The following PDXDC1 variants were observed in gnomAD, a reference collection of about 807,000 sequenced individuals.
PDXDC1 encodes the protein pyridoxal-dependent decarboxylase domain-containing protein 1.
Under a neutral mutation model 100.1 loss-of-function variants are expected in PDXDC1, and 42 were observed. The ratio of observed to expected loss-of-function variants is 0.42; its 90% confidence interval spans 0.33 to 0.54. PDXDC1 has a LOEUF of 0.54. Among genes scored for constraint, PDXDC1 ranks in the 20% least tolerant of loss-of-function variants. The probability of loss-of-function intolerance (pLI) is 0.10; values close to 1 mark genes in which losing one functional copy is unlikely to be tolerated. For missense variants in PDXDC1, 636 were observed against 979.2 expected, an observed-to-expected ratio of 0.65 and a Z score of 4.68; for synonymous variants, 260 against 371.7, an observed-to-expected ratio of 0.70 and a Z score of 3.46.
rs1223221915 is a variant in PDXDC1 at position 15,029,941 on chromosome 16, C to G, written c.1294-10C>G. 6.4e-7 allele frequency: 1 copy of G among 1,551,510 alleles called. No homozygotes were observed. The highest frequency in any genetic ancestry group is 8.7e-7 in the Non-Finnish European group (1 of 1,146,658). ...GTTACAGGAGGGTGTTCATTGTGTC[C>G]TCCTCACAGCTGGGAGAACAGCTGA... is the stretch of plus-strand genomic sequence containing the variant. On this transcript the variant is annotated splice_polypyrimidine_tract_variant and intron_variant, in intron 15 of 22. Coordinates refer to ENST00000396410, the MANE Select transcript of PDXDC1 (RefSeq NM_015027.4).
At chr16:14,984,448 A>AGT (rs1407283186) in intron 1 of PDXDC1, among the ~76,000 whole-genome samples, 10 of 130,710 alleles carry the variant, frequency 7.7e-5, no homozygotes, top group East Asian at 2.9e-4. Context: ...AGAGAGAGAG[A>AGT]GAGAGAGTGT....
intron 12 of PDXDC1, among the ~76,000 whole-genome samples, chr16:15,019,738 A>G (rs1184286638): frequency 6.6e-6 from 1 of 152,272 alleles, no homozygotes; most frequent in Non-Finnish European, 1.5e-5. Flanking sequence ...ATGACCTCCC[A>G]AAGGCCTCAA....
In PDXDC1 at chr16:15,016,865, C is replaced by T. The variant is rs189197286; in HGVS notation, c.813-255C>T. Among the ~76,000 whole-genome samples the T allele has an allele frequency of 3.0e-4, 45 of 152,404 alleles. No individual in the cohort carries two copies. In the East Asian group the frequency reaches 8.5e-3, roughly 29 times the overall value. On this transcript the variant is annotated intron_variant, in intron 9 of 22. Transcript: ENST00000396410. ...AAGAATGATAACTGGAAAATAAGAT[C>T]CATGAAAGAGAAGAATACTCCCATT...
intron 6 of PDXDC1, among the ~76,000 whole-genome samples, chr16:15,007,410 G>A (rs540911410): frequency 1.2e-4 from 19 of 152,304 alleles, no homozygotes; most frequent in Middle Eastern, 3.4e-3. Flanking sequence ...TCCTGGCCTC[G>A]TGATCTGCCC....
downstream of PDXDC1, chr16:15,041,644 A>G: frequency 6.2e-7 from 1 of 1,611,916 alleles, no homozygotes; most frequent in Non-Finnish European, 8.5e-7. Flanking sequence ...AATGTCACTA[A>G]GTGAATGTCA....
the PDXDC1 span, among the ~76,000 whole-genome samples, chr16:15,148,029 C>A: frequency 1.0e-3 from 152 of 151,590 alleles, no homozygotes; most frequent in Admixed American, 1.7e-3. Context: ...TTCCTAGTCA[C>A]CCAGGCTGGA....
intron 16 of PDXDC1, chr16:15,134,145 C>G (rs1414628498): frequency 8.0e-7 from 1 of 1,245,394 alleles, no homozygotes; most frequent in African/African-American, 1.4e-5. Context: ...CTGCAGGCCC[C>G]GTCCCCTCGG....
downstream of PDXDC1, among the ~76,000 whole-genome samples, chr16:15,143,081 A>T (rs1434355544): frequency 1.3e-5 from 2 of 152,102 alleles, no homozygotes; most frequent in African/African-American, 4.8e-5. Flanking sequence ...TGTTGGGAGA[A>T]GTACACCCCC....
Position 15,038,196 on chromosome 16 carries a change from C to T in PDXDC1, c.*1921C>T, listed in dbSNP as rs759210687. 1.1e-5 allele frequency: 18 copies of T among 1,611,890 alleles called. No homozygotes were observed. In the East Asian group the frequency reaches 1.6e-4, roughly 14 times the overall value. ...CAAAGTGGGGTGGCTCAGCCAGAGG[C>T]GAAGTGGAAAGATTCTGAAAACACA... On this transcript the variant is annotated 3_prime_UTR_variant, in exon 23 of 23. Transcript: ENST00000396410.
At chr16:15,080,283 C>T (rs1043995629) in intron 16 of PDXDC1, among the ~76,000 whole-genome samples, 11 of 152,210 alleles carry the variant, frequency 7.2e-5, no homozygotes, top group African/African-American at 2.6e-4. Flanking sequence ...TTCAATTATT[C>T]CCAGTAAATG....
intron 15 of PDXDC1, chr16:15,029,549 G>C (rs886079249): frequency 2.7e-6 from 1 of 368,616 alleles, no homozygotes; most frequent in African/African-American, 2.0e-5. Context: ...GAAAGGAACT[G>C]GTCATAAACG....
At chr16:15,100,618 CAA>C (rs1384287787) in intron 16 of PDXDC1, among the ~76,000 whole-genome samples, 1 of 152,152 alleles carries the variant, frequency 6.6e-6, no homozygotes, top group African/African-American at 2.4e-5. Flanking sequence ...CAGTAACATT[CAA>C]AAATATCTCC....
At chr16:15,014,640 G>T (rs1160102043) in intron 8 of PDXDC1, among the ~76,000 whole-genome samples, 3 of 152,274 alleles carry the variant, frequency 2.0e-5, no homozygotes, top group African/African-American at 7.2e-5. Context: ...CCTTTTCCTG[G>T]CATAGACCTT....
chr16:15,044,191 C>G, intron 16 of PDXDC1: 2 of 626,868 alleles, frequency 3.2e-6, no homozygotes, highest in South Asian at 1.9e-5. Context: ...TGTGAAATTC[C>G]AAGCTGGGCA....
At position 15,038,091 on chromosome 16, in the gene PDXDC1, G is replaced by A. The variant is rs745932508; in HGVS notation, c.*1816G>A. On this transcript the variant is annotated 3_prime_UTR_variant, in exon 23 of 23. Transcript: ENST00000396410. ...CATCTTCATTTTTTTTGTAGAGTAG[G>A]GCTTTATTTCCAGAAAACAGTGTGT... 1.2e-6 allele frequency: 2 copies of A among 1,612,822 alleles called. No individual in the cohort carries two copies. The highest frequency in any genetic ancestry group is 1.7e-6 in the Non-Finnish European group (2 of 1,179,032).
rs372679582 is a variant in PDXDC1, at chr16:15,061,264, G to A, written c.1399+31208G>A. The A allele has an allele frequency of 1.7e-3, 263 of 153,600 alleles. 3 individuals carry two copies. The South Asian group carries it at 0.034, about 20-fold the overall frequency. The allele number at this position is 153,600 out of a possible 1,614,324, so 9.5% of individuals were successfully genotyped here. On this transcript the variant is annotated intron_variant, in intron 16 of 16. Coordinates refer to the PDXDC1 transcript ENST00000535621. ...ACCAATACAGCAGAAGGTGAACAAT[G>A]TAGCCAAAATAAACACTTTCTAGTT...
At position 15,031,755 on chromosome 16, in the gene PDXDC1, G is replaced by A. The variant is rs751292781; in HGVS notation, c.1420G>A (p.Asp474Asn). ...TTCAGTTTTAGGAACTCGGGGAGAG[G>A]ATGTGGATCAGCTCGTAGCCTGCAT... ...TAAVLGTRGE[D>N]VDQLVACIES... The change falls in exon 17 of 23, where the codon GAT becomes AAT. Residue 474 changes from aspartate (D) to asparagine (N), a missense_variant. By Grantham distance (23) the Asp-to-Asn change is conservative. Coordinates refer to ENST00000396410, the MANE Select transcript of PDXDC1 (RefSeq NM_015027.4). 6.2e-7 allele frequency: 1 copy of A among 1,611,884 alleles called. No homozygotes were observed. The highest frequency in any genetic ancestry group is 1.1e-5 in the South Asian group (1 of 91,012).
downstream of PDXDC1, among the ~76,000 whole-genome samples, chr16:15,139,899 C>A (rs971701375): frequency 3.3e-5 from 5 of 151,894 alleles, no homozygotes; most frequent in African/African-American, 1.2e-4. Flanking sequence ...AGATCGAGAC[C>A]ATCCTGGCCA....
rs147464357 is a variant in PDXDC1, at chr16:15,012,729, G to A, written c.727+2970G>A. Among the ~76,000 whole-genome samples, 335 of 152,352 alleles carry A rather than the reference G, an allele frequency of 2.2e-3. 15 individuals are homozygous for A. In the East Asian group the frequency reaches 0.055, roughly 25 times the overall value. ...TAGCCAGGTGTGGTGGTGTGTACCT[G>A]TAGTCCCAGCTACTCCAGAGGCTTT... is the stretch of plus-strand genomic sequence containing the variant. On this transcript the variant is annotated intron_variant, in intron 8 of 22. Coordinates refer to ENST00000396410, the MANE Select transcript of PDXDC1 (RefSeq NM_015027.4).
Sources: allele counts gnomAD v4.1 joint callset (sites outside exome capture counted in the v4.1 genomes callset), GRCh38; gene constraint gnomAD v4.1.1; transcripts MANE v1.5; gene names NCBI Gene and HGNC (gene_info 2026-07-23, HGNC 2026-07-21).